ADAM29: variants seen among roughly 807,000 people sequenced by gnomAD.
ADAM29 encodes the protein ADAM metallopeptidase domain 29.
For synonymous variants in ADAM29, 367 were observed against 342.3 expected, an observed-to-expected ratio of 1.07 and a Z score of -0.80; for missense variants, 969 against 1,001.8, an observed-to-expected ratio of 0.97 and a Z score of 0.44.
chr4:174,958,016 G>A (rs548151439), intron 4 of ADAM29, among the ~76,000 whole-genome samples: 9 of 151,824 alleles, frequency 5.9e-5, no homozygotes, highest in African/African-American at 2.2e-4. Context: ...TAATTGTATT[G>A]TAGTCTGAGA....
rs866146754 is a variant in ADAM29 at position 174,977,586 on chromosome 4, G to T, written c.2061G>T (p.Leu687Phe). 1 of 1,613,456 alleles carries T rather than the reference G, an allele frequency of 6.2e-7. No individual in the cohort carries two copies. Among genetic ancestry groups the T allele is most frequent in the African/African-American group, 1.3e-5 (1 of 74,960 alleles). ...CYLCILLLIVLFILLCCLYRL... is the reference protein window; with the variant it reads ...CYLCILLLIVFFILLCCLYRL... Reference sequence around the variant, plus strand: ...TGTGTATATTGTTGCTTATTGTTTTGTTTATTTTATTATGTTGTCTTTATC... The same window carrying T: ...TGTGTATATTGTTGCTTATTGTTTTTTTTATTTTATTATGTTGTCTTTATC... Residue 687 changes from leucine (L) to phenylalanine (F), a missense_variant, in exon 5 of 5, where the codon TTG becomes TTT. Transcript: ENST00000359240.
chr4:174,976,000 T>G lies in ADAM29; in HGVS notation c.475T>G (p.Phe159Val), dbSNP rs1180751862. 1 of 1,613,886 alleles carries G rather than the reference T, an allele frequency of 6.2e-7. No homozygotes were observed. The highest frequency in any genetic ancestry group is 2.2e-5 in the East Asian group (1 of 44,868). The stretch of plus-strand genomic sequence containing the variant: ...CAAGATGGACAGTGAGGAGAAACAA[T>G]TTTCAACCATGAGATCCGGATTTAT... The part of the protein sequence containing the change: ...VYKMDSEEKQ[F>V]STMRSGFMQN... Residue 159 changes from phenylalanine to valine, a missense_variant, in exon 5 of 5, where the codon TTT (phenylalanine) becomes GTT (valine). Coordinates refer to ENST00000359240, the MANE Select transcript of ADAM29 (RefSeq NM_014269.4).
At chr4:174,941,343 C>A (rs1744526080) in intron 4 of ADAM29, among the ~76,000 whole-genome samples, 1 of 152,092 alleles carries the variant, frequency 6.6e-6, no homozygotes, top group South Asian at 2.1e-4. Context: ...AAGCCTGTCT[C>A]CATGGGTTGG....
At chr4:174,938,713 G>C (rs1388961572) in intron 4 of ADAM29, among the ~76,000 whole-genome samples, 1 of 152,086 alleles carries the variant, frequency 6.6e-6, no homozygotes, top group African/African-American at 2.4e-5. Context: ...TAAGAAAACA[G>C]GGGATTGTTG....
chr4:174,929,910 C>G (rs571191045), intron 2 of ADAM29, among the ~76,000 whole-genome samples: 1 of 151,782 alleles, frequency 6.6e-6, no homozygotes, highest in Non-Finnish European at 1.5e-5. Flanking sequence ...GCGCATGCTA[C>G]GACACCTGGC....
intron 4 of ADAM29, among the ~76,000 whole-genome samples, chr4:174,951,846 C>G (rs1579049036): frequency 6.6e-6 from 1 of 152,086 alleles, no homozygotes; most frequent in Non-Finnish European, 1.5e-5. Context: ...TTCATTTCAT[C>G]CCATATTTGC....
At chr4:174,923,525 G>A (rs7661875) in intron 2 of ADAM29, among the ~76,000 whole-genome samples, 9,746 of 96,124 alleles carry the variant, frequency 0.1, 1,551 homozygotes, top group African/African-American at 0.35. Flanking sequence ...TGCATTATAT[G>A]TATATATATA....
intron 4 of ADAM29, among the ~76,000 whole-genome samples, chr4:174,970,788 A>G (rs986866620): frequency 6.6e-6 from 1 of 152,184 alleles, no homozygotes; most frequent in Non-Finnish European, 1.5e-5. Context: ...TCATAGTGTT[A>G]TCTTACGATC....
At chr4:174,939,998 A>C in intron 4 of ADAM29, among the ~76,000 whole-genome samples, 1 of 149,516 alleles carries the variant, frequency 6.7e-6, no homozygotes, top group Non-Finnish European at 1.5e-5. Flanking sequence ...ACCTTTCTCC[A>C]TCCTTTCTTT....
chr4:174,920,312 A>G (rs1249948647), intron 1 of ADAM29, among the ~76,000 whole-genome samples: 2 of 152,122 alleles, frequency 1.3e-5, no homozygotes, highest in Admixed American at 6.6e-5. Flanking sequence ...TTTGCTGCCC[A>G]TTAAAAGTAT....
At chr4:174,953,824 C>T (rs890595187) in intron 4 of ADAM29, among the ~76,000 whole-genome samples, 8 of 152,176 alleles carry the variant, frequency 5.3e-5, no homozygotes, top group African/African-American at 2.4e-5. Flanking sequence ...ATTCTCCTCC[C>T]TCAGCCTCCT....
chr4:174,927,520 T>C (rs543824688), intron 2 of ADAM29, among the ~76,000 whole-genome samples: 3 of 152,362 alleles, frequency 2.0e-5, no homozygotes, highest in African/African-American at 7.2e-5. Flanking sequence ...ACATGTTTTG[T>C]TATATTACTA....
At chr4:174,937,645 C>T (rs4695984) in intron 4 of ADAM29, among the ~76,000 whole-genome samples, 25,088 of 151,924 alleles carry the variant, frequency 0.17, 2,417 homozygotes, top group East Asian at 0.26. Flanking sequence ...CATGCTGCTA[C>T]CTCATTTCTT....
intron 4 of ADAM29, among the ~76,000 whole-genome samples, chr4:174,943,046 A>G (rs7697069): frequency 0.027 from 4,183 of 152,278 alleles, 185 homozygotes; most frequent in African/African-American, 0.093. Flanking sequence ...GCCAGGAGAA[A>G]AATGTTGCCA....
intron 2 of ADAM29, among the ~76,000 whole-genome samples, chr4:174,921,301 G>A (rs895753941): frequency 6.6e-6 from 1 of 152,136 alleles, no homozygotes; most frequent in Non-Finnish European, 1.5e-5. Context: ...GTGGCTTCTG[G>A]TGGCCCCAAG....
chr4:174,962,541 A>G (rs1745902445), intron 4 of ADAM29, among the ~76,000 whole-genome samples: 1 of 151,650 alleles, frequency 6.6e-6, no homozygotes, highest in Non-Finnish European at 1.5e-5. Context: ...TTTACAGAGT[A>G]GGAGTACTTT....
At position 174,929,747 on chromosome 4, in the gene ADAM29, C is replaced by G. The variant is rs577781764; in HGVS notation, c.-450-1239C>G. 2.9e-4 allele frequency among the ~76,000 whole-genome samples: 34 copies of G among 115,874 alleles called. 1 individual carries two copies. In the South Asian group the frequency reaches 0.01, roughly 34 times the overall value. 76.0% of individuals were successfully genotyped at this position (115,874 alleles called of 152,430 possible). On this transcript the variant is annotated intron_variant, in intron 2 of 4. Coordinates refer to ENST00000359240, the MANE Select transcript of ADAM29 (RefSeq NM_014269.4). Reference sequence around the variant, plus strand: ...CTCTCCTTCACTCTATCTCTCACATCTCTCTCTCTTTTTTTTTTTTTTCAG... The same window carrying G: ...CTCTCCTTCACTCTATCTCTCACATGTCTCTCTCTTTTTTTTTTTTTTCAG...
In ADAM29 at chr4:174,977,566, A is replaced by G. The variant is rs1008213796; in HGVS notation, c.2041A>G (p.Ile681Val). The G allele has an allele frequency of 5.0e-6, 8 of 1,613,888 alleles. No homozygotes were observed. Among genetic ancestry groups the G allele is most frequent in the African/African-American group, 2.7e-5 (2 of 74,924 alleles). The change falls in exon 5 of 5, where the codon ATA becomes GTA. Residue 681 changes from isoleucine (I) to valine (V), a missense_variant. Physicochemically the swap from Ile to Val is conservative, Grantham distance 29 (BLOSUM62 3). Coordinates refer to ENST00000359240, the MANE Select transcript of ADAM29 (RefSeq NM_014269.4). ...GAAAAAGAAGTTCTGTTATCTGTGT[A>G]TATTGTTGCTTATTGTTTTGTTTAT... ...KKKKKFCYLC[I>V]LLLIVLFILL...
chr4:174,942,714 A>G (rs1579033493), intron 4 of ADAM29, among the ~76,000 whole-genome samples: 2 of 152,254 alleles, frequency 1.3e-5, no homozygotes, highest in East Asian at 3.9e-4. Context: ...AATGCCCTGG[A>G]GACATTTTCC....
Sources: gnomAD v4.1 joint callset for allele counts (sites outside exome capture counted in the v4.1 genomes callset) on GRCh38, gnomAD v4.1.1 for gene constraint, MANE v1.5 for transcripts, NCBI Gene and HGNC (gene_info 2026-07-23, HGNC 2026-07-21) for gene names.